Variants in PHACTR1 observed in about 807,000 individuals in gnomAD.
The protein encoded by PHACTR1 is RPEL repeat containing 1.
In PHACTR1, 16 loss-of-function variants were observed where a neutral mutation model predicts 69.2. The ratio of observed to expected loss-of-function variants is 0.23; its 90% CI spans 0.16 to 0.35. The LOEUF is 0.35. Ranked by LOEUF, PHACTR1 falls within the 10% of genes least tolerant of loss-of-function variation. The pLI is 1.00. For missense variants in PHACTR1, 510 were observed against 734.7 expected (o/e 0.69, Z 3.54); for synonymous variants, 312 against 284.5 (o/e 1.10, Z -0.97).
At chr6:12,822,942 A>G (rs912526667) in intron 4 of PHACTR1, among the ~76,000 whole-genome samples, 2 of 152,204 alleles carry the variant, frequency 1.3e-5, no homozygotes, top group African/African-American at 4.8e-5. Flanking sequence ...TAACAATAAC[A>G]TCTGGGTCAG....
chr6:12,834,346 A>C (rs1201321810), intron 4 of PHACTR1, among the ~76,000 whole-genome samples: 3 of 152,170 alleles, frequency 2.0e-5, no homozygotes, highest in African/African-American at 7.2e-5. Context: ...ATGAGTAGAA[A>C]TGTCTCAACC....
chr6:13,220,584 A>G (rs1380283492), intron 8 of PHACTR1, among the ~76,000 whole-genome samples: 5 of 152,208 alleles, frequency 3.3e-5, no homozygotes, highest in Non-Finnish European at 7.3e-5. Flanking sequence ...GTGCAGACAC[A>G]GTCCTGGAAT....
At chr6:12,838,647 G>T (rs1258023646) in intron 4 of PHACTR1, among the ~76,000 whole-genome samples, 1 of 152,210 alleles carries the variant, frequency 6.6e-6, no homozygotes, top group African/African-American at 2.4e-5. Flanking sequence ...TTTGTTGGAT[G>T]TGTTTGGAAA....
chr6:13,237,675 T>C (rs1396318361), intron 10 of PHACTR1, among the ~76,000 whole-genome samples: 2 of 152,234 alleles, frequency 1.3e-5, no homozygotes, highest in Non-Finnish European at 1.5e-5. Context: ...CATACATTGC[T>C]TAACGATGGG....
In PHACTR1 at chr6:13,053,369, G is replaced by A. The variant is rs1171076035; in HGVS notation, c.255G>A (p.Glu85=). The change falls in exon 5 of 15, where the codon GAG becomes GAA. Residue 85 remains glutamate (E), a synonymous_variant. Coordinates refer to ENST00000332995, the MANE Select transcript of PHACTR1 (RefSeq NM_030948.6). ...ARISFNLGAA[E]EVERLAAMRS... ...CTCTTTCTTGGAAATAACAAGCTGA[G>A]GAAGTGGAGAGGCTGGCGGCGATGC... The A allele has an allele frequency of 4.4e-6, 7 of 1,597,738 alleles. No homozygotes were observed. Among genetic ancestry groups the A allele is most frequent in the Non-Finnish European group, 6.0e-6 (7 of 1,171,522 alleles).
intron 4 of PHACTR1, among the ~76,000 whole-genome samples, chr6:12,757,234 TGA>T (rs914345359): frequency 3.3e-5 from 5 of 150,746 alleles, no homozygotes; most frequent in Non-Finnish European, 7.4e-5. Context: ...GGGAGCAGAG[TGA>T]GAGAGAGCTG....
intron 3 of PHACTR1, among the ~76,000 whole-genome samples, chr6:12,745,118 TTAAAGGG>T (rs577073750): frequency 2.0e-4 from 31 of 152,306 alleles, no homozygotes; most frequent in Admixed American, 1.9e-3. Flanking sequence ...AGTAATATTT[TTAAAGGG>T]TAAGGTTTAC....
chr6:12,847,307 A>G (rs1779387295), intron 4 of PHACTR1, among the ~76,000 whole-genome samples: 1 of 152,204 alleles, frequency 6.6e-6, no homozygotes, highest in South Asian at 2.1e-4. Context: ...GTAGGTAGAT[A>G]GATACGGATA....
chr6:13,048,109 A>G (rs1020190954), intron 4 of PHACTR1, among the ~76,000 whole-genome samples: 3 of 152,220 alleles, frequency 2.0e-5, no homozygotes, highest in East Asian at 3.9e-4. Flanking sequence ...CAGTTTTGTC[A>G]TAAGTGGGAG....
At chr6:13,118,652 T>C (rs1302736863) in intron 5 of PHACTR1, among the ~76,000 whole-genome samples, 1 of 152,058 alleles carries the variant, frequency 6.6e-6, no homozygotes, top group Non-Finnish European at 1.5e-5. Context: ...CTAATTTTTG[T>C]ATTTTTAGTA....
intron 4 of PHACTR1, among the ~76,000 whole-genome samples, chr6:12,861,432 C>A (rs546200322): frequency 6.6e-6 from 1 of 152,228 alleles, no homozygotes; most frequent in African/African-American, 2.4e-5. Flanking sequence ...CATATATAAA[C>A]CTCAAGTTAA....
chr6:13,236,359 G>A (rs981816357), intron 10 of PHACTR1, among the ~76,000 whole-genome samples: 12 of 152,238 alleles, frequency 7.9e-5, no homozygotes, highest in Admixed American at 6.5e-4. Context: ...TTCATTTGCT[G>A]GGGCTGCCAT....
At chr6:13,177,364 G>T (rs546251396) in intron 6 of PHACTR1, among the ~76,000 whole-genome samples, 5,540 of 145,920 alleles carry the variant, frequency 0.038, 329 homozygotes, top group African/African-American at 0.13. Flanking sequence ...TCTCTCTTGC[G>T]CTCTCTCTCT....
chr6:13,065,398 G>A (rs1171495687), intron 5 of PHACTR1, among the ~76,000 whole-genome samples: 1 of 151,978 alleles, frequency 6.6e-6, no homozygotes, highest in African/African-American at 2.4e-5. Context: ...GTGAACCAGA[G>A]GAGAGAGTTT....
At chr6:13,138,193 T>C (rs1229245068) in intron 5 of PHACTR1, among the ~76,000 whole-genome samples, 1 of 152,176 alleles carries the variant, frequency 6.6e-6, no homozygotes, top group Non-Finnish European at 1.5e-5. Flanking sequence ...CTGGTGCTTA[T>C]TGAAATTAGG....
chr6:12,956,563 C>T (rs1047653931), intron 4 of PHACTR1, among the ~76,000 whole-genome samples: 1 of 152,010 alleles, frequency 6.6e-6, no homozygotes, highest in African/African-American at 2.4e-5. Flanking sequence ...GGGAGCTTGC[C>T]CTTTCAGAAA....
intron 10 of PHACTR1, among the ~76,000 whole-genome samples, chr6:13,232,893 C>A (rs1020046408): frequency 6.6e-6 from 1 of 152,212 alleles, no homozygotes. Flanking sequence ...TCCCATTCCT[C>A]CAGCTCTGCT....
At chr6:13,142,365 A>G (rs1309470848) in intron 5 of PHACTR1, among the ~76,000 whole-genome samples, 1 of 152,100 alleles carries the variant, frequency 6.6e-6, no homozygotes, top group Non-Finnish European at 1.5e-5. Context: ...CGGCCTCCCA[A>G]AGTGCTAGGA....
At chr6:13,090,031 A>C (rs1313286372) in intron 5 of PHACTR1, among the ~76,000 whole-genome samples, 2 of 152,138 alleles carry the variant, frequency 1.3e-5, no homozygotes, top group Non-Finnish European at 2.9e-5. Context: ...GAACAACAGC[A>C]CTGCATTGTT....
Sources: allele counts gnomAD v4.1 joint callset (sites outside exome capture counted in the v4.1 genomes callset), GRCh38; gene constraint gnomAD v4.1.1; transcripts MANE v1.5; gene names NCBI Gene and HGNC (gene_info 2026-07-23, HGNC 2026-07-21).